Variants in CIB1 observed in about 807,000 individuals in gnomAD.
CIB1 encodes the protein calcium and integrin-binding protein 1.
A neutral mutation model predicts 25.0 loss-of-function variants in CIB1; 19 were observed. The ratio of observed to expected loss-of-function variants is 0.76; its 90% confidence interval spans 0.53 to 1.12. The LOEUF is 1.12. Ranked by LOEUF, CIB1 falls within the 50% of genes most tolerant of loss-of-function variation. CIB1 has a pLI of 0.00. For missense variants in CIB1, 236 were observed against 242.6 expected (o/e 0.97, Z 0.18); for synonymous variants, 104 against 98.5 (o/e 1.06, Z -0.33).
the CIB1 span, among the ~76,000 whole-genome samples, chr15:90,255,099 T>TG: frequency 6.6e-6 from 1 of 152,236 alleles, no homozygotes; most frequent in Non-Finnish European, 1.5e-5. Context: ...GCTGTCCCCC[T>TG]GTGCAGACAG....
the CIB1 span, among the ~76,000 whole-genome samples, chr15:90,248,543 C>T: frequency 1.3e-5 from 2 of 151,320 alleles, no homozygotes; most frequent in Non-Finnish European, 2.9e-5. Context: ...AGCAAAACCC[C>T]ATCTCTACAA....
At chr15:90,231,703 A>C (rs1962497581) in intron 3 of CIB1, among the ~76,000 whole-genome samples, 196 bp from the exon 4 acceptor site, 1 of 152,218 alleles carries the variant, frequency 6.6e-6, no homozygotes, top group Non-Finnish European at 1.5e-5. Flanking sequence ...GAAGGGACTG[A>C]GATGGCTTCC....
chr15:90,262,652 C>T, the CIB1 span: 43 of 1,494,388 alleles, frequency 2.9e-5, no homozygotes, highest in African/African-American at 3.7e-4. Context: ...TTACAGGAAC[C>T]GCAACTGGGA....
the CIB1 span, among the ~76,000 whole-genome samples, chr15:90,256,640 T>G: frequency 2.3e-5 from 2 of 87,502 alleles, no homozygotes; most frequent in Admixed American, 2.7e-4. Flanking sequence ...CTTCCTTCCT[T>G]CTTTCTTTCT....
chr15:90,265,586 C>T, the CIB1 span: 3 of 1,408,810 alleles, frequency 2.1e-6, no homozygotes, highest in Admixed American at 2.1e-5. Flanking sequence ...GATCTTACCC[C>T]CACCAAGTGA....
chr15:90,257,932 T>C, the CIB1 span: 1 of 1,174,644 alleles, frequency 8.5e-7, no homozygotes, highest in Admixed American at 2.2e-5. Context: ...CTAGCAGCCC[T>C]TCAAAGCCCG....
the CIB1 span, chr15:90,264,678 T>A: frequency 6.5e-7 from 1 of 1,527,918 alleles, no homozygotes; most frequent in Non-Finnish European, 8.8e-7. Context: ...ACAAATCTCT[T>A]CTGTGAATAC....
the CIB1 span, chr15:90,258,140 C>T: frequency 6.2e-7 from 1 of 1,614,232 alleles, no homozygotes; most frequent in Non-Finnish European, 8.5e-7. Flanking sequence ...TCATCTCAGC[C>T]CATTCTGTTC....
At chr15:90,262,469 C>G in the CIB1 span, 1 of 1,460,934 alleles carries the variant, frequency 6.8e-7, no homozygotes, top group Non-Finnish European at 9.0e-7. Flanking sequence ...TCTCTACTGT[C>G]TGAAGCTGCT....
At chr15:90,255,987 G>A in the CIB1 span, 1 of 1,581,428 alleles carries the variant, frequency 6.3e-7, no homozygotes, top group Non-Finnish European at 8.6e-7. Flanking sequence ...AGGGATGGAA[G>A]TGGAATGAGA....
chr15:90,230,887 G>C (rs768628183), intron 6 of CIB1, 47 bp downstream of exon 6: 11 of 1,505,730 alleles, frequency 7.3e-6, no homozygotes, highest in Non-Finnish European at 1.8e-6. Context: ...AGAGGCAGCA[G>C]GTCGGAACCT....
At chr15:90,250,671 A>T in the CIB1 span, 1 of 1,614,116 alleles carries the variant, frequency 6.2e-7, no homozygotes, top group South Asian at 1.1e-5. Flanking sequence ...TCAGAGGAAG[A>T]CTATGTTGAG....
the CIB1 span, chr15:90,262,096 TG>T: frequency 2.0e-6 from 3 of 1,536,124 alleles, no homozygotes; most frequent in Non-Finnish European, 2.6e-6. Context: ...GGATCTACCC[TG>T]GGCCTGACAC....
the CIB1 span, chr15:90,245,613 A>T: frequency 2.8e-4 from 42 of 152,274 alleles, no homozygotes; most frequent in African/African-American, 9.9e-4. Context: ...ATCACACTTA[A>T]TTTTGCTTGC....
chr15:90,264,178 T>G, the CIB1 span: 6 of 657,396 alleles, frequency 9.1e-6, no homozygotes, highest in African/African-American at 1.8e-5. Context: ...ATGGGGAAGT[T>G]AGGGTACCCA....
chr15:90,254,172 G>A, the CIB1 span, among the ~76,000 whole-genome samples: 375 of 145,482 alleles, frequency 2.6e-3, 2 homozygotes, highest in Middle Eastern at 0.014. Flanking sequence ...CAGCCTGTGT[G>A]ACAGAGTGAG....
At chr15:90,258,593 A>T in the CIB1 span, 1 of 670,010 alleles carries the variant, frequency 1.5e-6, no homozygotes. Flanking sequence ...TCTATGGCAG[A>T]GTTTTGTGGC....
chr15:90,252,649 A>T, the CIB1 span, among the ~76,000 whole-genome samples: 7 of 152,268 alleles, frequency 4.6e-5, no homozygotes, highest in Non-Finnish European at 1.0e-4. Flanking sequence ...GTGAAGTGCC[A>T]GTGTGACCCC....
At chr15:90,259,112 C>A in the CIB1 span, 1 of 1,372,410 alleles carries the variant, frequency 7.3e-7, no homozygotes, top group Non-Finnish European at 9.5e-7. Flanking sequence ...TCTGTAATCC[C>A]AGCACTTTGG....
Sources: gnomAD v4.1 joint callset for allele counts (sites outside exome capture counted in the v4.1 genomes callset) on GRCh38, gnomAD v4.1.1 for gene constraint, MANE v1.5 for transcripts, NCBI Gene and HGNC (gene_info 2026-07-23, HGNC 2026-07-21) for gene names.